The following ADAMTS19 variants were observed in gnomAD, a reference collection of about 807,000 sequenced individuals.
The protein encoded by ADAMTS19 is A disintegrin and metalloproteinase with thrombospondin motifs 19.
ADAMTS19 carries 93 observed loss-of-function variants against 153.3 expected under a neutral mutation model. The observed-to-expected ratio is 0.61, with a 90% confidence interval of 0.51 to 0.72. ADAMTS19 has a LOEUF of 0.72. ADAMTS19 is among the 30% of genes least tolerant of loss of function. The pLI is 0.00. For synonymous variants in ADAMTS19, 600 were observed against 556.6 expected (o/e 1.08, Z -1.10); for missense variants, 1,482 against 1,552.1 (o/e 0.95, Z 0.76).
intron 7 of ADAMTS19, among the ~76,000 whole-genome samples, chr5:129,593,002 A>G (rs1750215519): frequency 6.6e-6 from 1 of 152,138 alleles, no homozygotes; most frequent in African/African-American, 2.4e-5. Flanking sequence ...ATTATAAACT[A>G]TTGGCTTTAT....
At chr5:129,725,036 T>C (rs1260118350) in intron 21 of ADAMTS19, among the ~76,000 whole-genome samples, 1 of 152,150 alleles carries the variant, frequency 6.6e-6, no homozygotes, top group Non-Finnish European at 1.5e-5. Context: ...ATGTCTGCAG[T>C]TCAATTTTAC....
At chr5:129,571,326 G>A (rs1291009215) in intron 7 of ADAMTS19, among the ~76,000 whole-genome samples, 1 of 151,578 alleles carries the variant, frequency 6.6e-6, no homozygotes, top group Non-Finnish European at 1.5e-5. Context: ...GCATATATGG[G>A]TGTTTATGTG....
chr5:129,462,544 T>G (rs914796443), intron 2 of ADAMTS19, among the ~76,000 whole-genome samples: 1 of 151,904 alleles, frequency 6.6e-6, no homozygotes, highest in Admixed American at 6.5e-5. Context: ...CATCATTTGA[T>G]TTTTCTCCCT....
intron 16 of ADAMTS19, among the ~76,000 whole-genome samples, chr5:129,679,089 T>C (rs900183965): frequency 6.6e-6 from 1 of 152,182 alleles, no homozygotes; most frequent in Non-Finnish European, 1.5e-5. Context: ...GTACACAGAT[T>C]AGCTCAAAAA....
At chr5:129,686,360 T>G (rs1288141639) in intron 18 of ADAMTS19, among the ~76,000 whole-genome samples, 4 of 152,008 alleles carry the variant, frequency 2.6e-5, no homozygotes, top group African/African-American at 7.2e-5. Context: ...ATAGGATTGA[T>G]GGAGTATAGG....
chr5:129,631,906 C>T (rs1161122390), intron 10 of ADAMTS19, among the ~76,000 whole-genome samples: 1 of 151,868 alleles, frequency 6.6e-6, no homozygotes, highest in Non-Finnish European at 1.5e-5. Flanking sequence ...CTCTTTATTT[C>T]CCTCTGATCC....
intron 21 of ADAMTS19, among the ~76,000 whole-genome samples, chr5:129,723,409 G>A (rs770801025): frequency 2.0e-5 from 3 of 152,028 alleles, no homozygotes; most frequent in Non-Finnish European, 2.9e-5. Context: ...ACAAGTATAG[G>A]GTTTAAGAAG....
Position 129,553,692 on chromosome 5 carries a change from G to A in ADAMTS19, c.1372+1785G>A, listed in dbSNP as rs561973581. Among the ~76,000 whole-genome samples, 3 of 152,252 alleles carry A rather than the reference G, an allele frequency of 2.0e-5. No individual in the cohort carries two copies. In the East Asian group the frequency reaches 5.8e-4, roughly 29 times the overall value. On this transcript the variant is annotated intron_variant, in intron 7 of 22. Transcript: ENST00000274487. ...GTTCTCCCTTCCGTATCTTATGGCA[G>A]ATTTTTTTCCTTTAGCCCAAATATA...
chr5:129,583,805 A>C (rs1314969315), intron 7 of ADAMTS19, among the ~76,000 whole-genome samples: 1 of 151,892 alleles, frequency 6.6e-6, no homozygotes, highest in Non-Finnish European at 1.5e-5. Flanking sequence ...CTAGTTAGCA[A>C]TTCCGCTAAC....
At chr5:129,516,771 AT>A (rs914142511) in intron 3 of ADAMTS19, among the ~76,000 whole-genome samples, 1 of 141,758 alleles carries the variant, frequency 7.1e-6, no homozygotes, top group African/African-American at 2.6e-5. Flanking sequence ...TTTTTTTTGT[AT>A]TTTTTATTTC....
chr5:129,522,206 T>TAC (rs1049786124), intron 3 of ADAMTS19, among the ~76,000 whole-genome samples: 1 of 148,818 alleles, frequency 6.7e-6, no homozygotes, highest in African/African-American at 2.5e-5. Flanking sequence ...TATATATATA[T>TAC]ACACACACAT....
chr5:129,550,714 T>A (rs1283195212), intron 6 of ADAMTS19, among the ~76,000 whole-genome samples: 1 of 86,124 alleles, frequency 1.2e-5, no homozygotes, highest in Non-Finnish European at 2.5e-5. Flanking sequence ...ATTTTAAGTC[T>A]TTTTTTTATC....
chr5:129,632,162 G>C (rs79650134), intron 10 of ADAMTS19, among the ~76,000 whole-genome samples: 3,664 of 152,112 alleles, frequency 0.024, 122 homozygotes, highest in African/African-American at 0.078. Flanking sequence ...GGATGAGCAA[G>C]ACAGTTGGCC....
chr5:129,663,308 C>G (rs1311484108), intron 15 of ADAMTS19, among the ~76,000 whole-genome samples: 2 of 152,152 alleles, frequency 1.3e-5, no homozygotes, highest in Non-Finnish European at 2.9e-5. Flanking sequence ...ATTTCCATGC[C>G]TTAACTTGGT....
At chr5:129,565,614 T>C (rs544735662) in intron 7 of ADAMTS19, among the ~76,000 whole-genome samples, 20 of 152,306 alleles carry the variant, frequency 1.3e-4, no homozygotes, top group Middle Eastern at 3.4e-3. Context: ...TATTTATATA[T>C]TCTTTAAATG....
intron 21 of ADAMTS19, among the ~76,000 whole-genome samples, chr5:129,725,763 C>T (rs1210403424): frequency 2.0e-5 from 3 of 152,014 alleles, no homozygotes; most frequent in Non-Finnish European, 4.4e-5. Flanking sequence ...AACACTACCA[C>T]CCATTCATGG....
chr5:129,642,235 ATG>A (rs1294010811), intron 11 of ADAMTS19, among the ~76,000 whole-genome samples: 2 of 151,972 alleles, frequency 1.3e-5, no homozygotes, highest in African/African-American at 2.4e-5. Flanking sequence ...TATAGCAAAA[ATG>A]TGAATTTTTT....
intron 7 of ADAMTS19, among the ~76,000 whole-genome samples, chr5:129,594,388 GA>G (rs1257719917): frequency 6.6e-6 from 1 of 151,952 alleles, no homozygotes; most frequent in South Asian, 2.1e-4. Context: ...TAGCTGTGGT[GA>G]AAAAAAGTGG....
At chr5:129,496,130 T>C (rs1750922282) in intron 2 of ADAMTS19, among the ~76,000 whole-genome samples, 1 of 152,132 alleles carries the variant, frequency 6.6e-6, no homozygotes, top group Non-Finnish European at 1.5e-5. Flanking sequence ...CACATAATTA[T>C]AATTTCTTGG....
Sources: allele counts gnomAD v4.1 joint callset (sites outside exome capture counted in the v4.1 genomes callset), GRCh38; gene constraint gnomAD v4.1.1; transcripts MANE v1.5; gene names NCBI Gene and HGNC (gene_info 2026-07-23, HGNC 2026-07-21).